DROSHA: variants seen among roughly 807,000 people sequenced by gnomAD.
The protein encoded by DROSHA is drosha ribonuclease III, also known as ribonuclease 3.
Under a neutral mutation model 181.9 loss-of-function variants are expected in DROSHA, and 56 were observed. That is an observed-to-expected ratio of 0.31 (90% CI 0.25 to 0.38). DROSHA has a LOEUF of 0.38. DROSHA is among the 10% of genes least tolerant of loss of function. The pLI is 1.00. For missense variants in DROSHA, 1,218 were observed against 1,743.5 expected, an observed-to-expected ratio of 0.70 and a Z score of 5.37; for synonymous variants, 524 against 591.2, an observed-to-expected ratio of 0.89 and a Z score of 1.65.
chr5:31,443,241 C>T (rs1247590907), intron 23 of DROSHA, among the ~76,000 whole-genome samples: 2 of 152,116 alleles, frequency 1.3e-5, no homozygotes, highest in African/African-American at 4.8e-5. Context: ...TGGACTTGAA[C>T]TCCTGACCTC....
intron 12 of DROSHA, among the ~76,000 whole-genome samples, chr5:31,494,050 AC>A (rs1561250083): frequency 6.6e-6 from 1 of 150,772 alleles, no homozygotes; most frequent in Non-Finnish European, 1.5e-5. Flanking sequence ...CTCACTACAG[AC>A]TCTGCCTCCC....
At chr5:31,448,461 C>T in intron 23 of DROSHA, 86 bp downstream of exon 23, 1 of 1,257,760 alleles carries the variant, frequency 8.0e-7, no homozygotes, top group South Asian at 1.3e-5. Flanking sequence ...ATACTAAAAA[C>T]CACTGAATTG....
intron 5 of DROSHA, among the ~76,000 whole-genome samples, chr5:31,523,618 A>C (rs1183226671): frequency 6.6e-6 from 1 of 152,232 alleles, no homozygotes; most frequent in African/African-American, 2.4e-5. Flanking sequence ...AGTCTGAAGA[A>C]AACTATTTAC....
chr5:31,513,157 G>A (rs796137998), intron 8 of DROSHA, among the ~76,000 whole-genome samples: 36 of 152,286 alleles, frequency 2.4e-4, no homozygotes, highest in African/African-American at 6.3e-4. Flanking sequence ...AGGAGAGCTC[G>A]GGCAAGACAC....
intron 17 of DROSHA, 68 bp downstream of exon 17, chr5:31,471,995 T>G: frequency 7.0e-7 from 1 of 1,425,270 alleles, no homozygotes; most frequent in Non-Finnish European, 9.3e-7. Context: ...TGTTACTGTT[T>G]TCATGAAACA....
rs1400026887 is a variant in DROSHA, at chr5:31,531,536, T to C, written c.-249-11A>G. On this transcript the variant is annotated splice_polypyrimidine_tract_variant and intron_variant, in intron 1 of 35. Transcript: ENST00000344624. Reference sequence around the variant, plus strand: ...CACTGAAGGAGCTGTCTTGAATAGTTAACACGGCCAGAACGTCAGTGCATG... The same window carrying C: ...CACTGAAGGAGCTGTCTTGAATAGTCAACACGGCCAGAACGTCAGTGCATG... The C allele has an allele frequency of 6.6e-6, 1 of 152,248 alleles. No homozygotes were observed. Among genetic ancestry groups the C allele is most frequent in the Non-Finnish European group, 1.5e-5 (1 of 68,034 alleles). The allele number at this position is 152,248 out of a possible 1,614,324, so 9.4% of individuals were successfully genotyped here. A position where few individuals can be genotyped will look rare whatever the true frequency, so the allele number is the denominator to read the frequency against.
chr5:31,482,074 G>A (rs999318587), intron 16 of DROSHA, among the ~76,000 whole-genome samples: 1 of 152,280 alleles, frequency 6.6e-6, no homozygotes, highest in Middle Eastern at 3.4e-3. Context: ...AGGGAGACAG[G>A]GGCTTCTGCC....
intron 4 of DROSHA, chr5:31,527,670 A>G (rs140625739): frequency 6.5e-6 from 1 of 152,812 alleles, no homozygotes; most frequent in Non-Finnish European, 1.5e-5. Context: ...AGGTGAGACT[A>G]CAACAAGAAG....
intron 6 of DROSHA, 134 bp downstream of exon 6, chr5:31,520,989 T>C: frequency 1.4e-6 from 1 of 735,490 alleles, no homozygotes; most frequent in Non-Finnish European, 2.2e-6. Context: ...TACAGTCTGC[T>C]TTAGCTTTTC....
At chr5:31,485,059 G>A in intron 14 of DROSHA, 97 bp from the exon 15 acceptor site, 2 of 830,010 alleles carry the variant, frequency 2.4e-6, no homozygotes, top group Middle Eastern at 2.4e-4. Flanking sequence ...AAAAGTGTCT[G>A]TTAAAACTAT....
intron 11 of DROSHA, among the ~76,000 whole-genome samples, chr5:31,496,713 G>A (rs1753026034): frequency 6.6e-6 from 1 of 152,186 alleles, no homozygotes; most frequent in Admixed American, 6.5e-5. Flanking sequence ...GTGCTCCCTG[G>A]ATAACCTTGA....
intron 8 of DROSHA, among the ~76,000 whole-genome samples, chr5:31,513,600 A>T (rs755600415): frequency 3.3e-5 from 5 of 152,216 alleles, no homozygotes; most frequent in Non-Finnish European, 7.3e-5. Flanking sequence ...ATATCACACC[A>T]CTATGAGAGA....
chr5:31,408,796 C>T (rs1414715489), intron 33 of DROSHA: 4 of 359,206 alleles, frequency 1.1e-5, no homozygotes, highest in Non-Finnish European at 2.0e-5. Flanking sequence ...GTTGGTCTCC[C>T]TCCCAGGCAG....
At chr5:31,512,443 A>G (rs1239611231) in intron 8 of DROSHA, among the ~76,000 whole-genome samples, 1 of 152,224 alleles carries the variant, frequency 6.6e-6, no homozygotes, top group African/African-American at 2.4e-5. Flanking sequence ...TTTAAGAATA[A>G]TAACACCTAT....
chr5:31,421,042 C>G (rs1279952230), intron 30 of DROSHA, among the ~76,000 whole-genome samples: 1 of 152,140 alleles, frequency 6.6e-6, no homozygotes, highest in East Asian at 1.9e-4. Flanking sequence ...TCCATGAGGC[C>G]TAGCTCAATA....
Position 31,511,025 on chromosome 5 carries a change from T to C in DROSHA, c.1432+10A>G, listed in dbSNP as rs765169235. ...CAAGGGTCTCAGGCTAGTTAGTGAC[T>C]CTGACTCACCTAAATCTTCATCGAG... On this transcript the variant is annotated intron_variant, in intron 9 of 35. Transcript: ENST00000344624. 9.9e-6 allele frequency: 16 copies of C among 1,613,750 alleles called. No homozygotes were observed. In the African/African-American group the frequency reaches 1.6e-4, roughly 16 times the overall value.
Position 31,526,276 on chromosome 5 carries a change from T to G in DROSHA, c.657A>C (p.Arg219Ser), listed in dbSNP as rs1283399386. Reference sequence around the variant, plus strand: ...AGTGTTTCAGCCTTTCTGGGGACCTTCTCTCACTGGGAGCCTTTGGGAGTG... The same window carrying G: ...AGTGTTTCAGCCTTTCTGGGGACCTGCTCTCACTGGGAGCCTTTGGGAGTG... Reference protein sequence around the residue: ...PYPLPKAPSERRSPERLKHYD... With the variant: ...PYPLPKAPSESRSPERLKHYD... Residue 219 changes from arginine to serine, a missense_variant, in exon 5 of 36, where the codon AGA becomes AGC. Coordinates refer to ENST00000344624, the MANE Select transcript of DROSHA (RefSeq NM_001382508.1). The G allele has an allele frequency of 6.2e-7, 1 of 1,613,788 alleles. No homozygotes were observed. Among genetic ancestry groups the G allele is most frequent in the Non-Finnish European group, 8.5e-7 (1 of 1,179,866 alleles).
chr5:31,463,981 C>T (rs368433009), intron 20 of DROSHA: 160 of 448,334 alleles, frequency 3.6e-4, no homozygotes, highest in African/African-American at 3.0e-3. Context: ...AAAGAGAAGA[C>T]ACTGAACTGA....
At chr5:31,512,033 C>T (rs936896556) in intron 8 of DROSHA, among the ~76,000 whole-genome samples, 3 of 152,036 alleles carry the variant, frequency 2.0e-5, no homozygotes, top group African/African-American at 7.2e-5. Context: ...ACACGGGACT[C>T]TGCAACAGAT....
Sources: gnomAD v4.1 joint callset for allele counts (sites outside exome capture counted in the v4.1 genomes callset) on GRCh38, gnomAD v4.1.1 for gene constraint, MANE v1.5 for transcripts, NCBI Gene and HGNC (gene_info 2026-07-23, HGNC 2026-07-21) for gene names.